NF1: variants seen among roughly 807,000 people sequenced by gnomAD.
NF1 encodes neurofibromin 1.
A neutral mutation model predicts 325.7 loss-of-function variants in NF1; 122 were observed. The ratio of observed to expected loss-of-function variants is 0.37; its 90% CI spans 0.32 to 0.44. NF1 has a LOEUF of 0.44. Ranked by LOEUF, NF1 falls within the 20% of genes least tolerant of loss-of-function variation. The pLI, the probability that NF1 is intolerant of heterozygous loss-of-function variation, is 1.00. For synonymous variants in NF1, 1,091 were observed against 1,186.0 expected (o/e 0.92, Z 1.65); for missense variants, 2,140 against 3,415.4 (o/e 0.63, Z 9.31).
At chr17:31,335,077 A>C (rs770648677) in intron 40 of NF1, 46 bp downstream of exon 40, 13 of 1,516,848 alleles carry the variant, frequency 8.6e-6, no homozygotes, top group Non-Finnish European at 1.2e-5. Context: ...CTTTGTGCAC[A>C]TATTTATCTG....
chr17:31,356,323 C>T, intron 51 of NF1, 137 bp from the exon 52 acceptor site: 1 of 804,728 alleles, frequency 1.2e-6, no homozygotes, highest in South Asian at 1.5e-5. Context: ...GAAACTGCTC[C>T]AGGGATGTAT....
chr17:31,232,022 T>G (rs1163720129), intron 24 of NF1, 51 bp from the exon 25 acceptor site: 1 of 1,136,588 alleles, frequency 8.8e-7, no homozygotes, highest in South Asian at 1.5e-5. Context: ...TGAAAGAACT[T>G]GAAAGATTCA....
At chr17:31,214,013 T>C (rs781118567) in intron 12 of NF1, among the ~76,000 whole-genome samples, 4 of 152,166 alleles carry the variant, frequency 2.6e-5, no homozygotes, top group Non-Finnish European at 5.9e-5. Flanking sequence ...CATCTTACAA[T>C]TGATAATGTT....
chr17:31,226,729 A>C (rs776995409), intron 18 of NF1, 45 bp downstream of exon 18: 4 of 1,610,908 alleles, frequency 2.5e-6, no homozygotes, highest in African/African-American at 1.3e-5. Context: ...GCCTCAAAGC[A>C]CATGGCATCT....
chr17:31,117,636 G>GCA (rs2143352025), intron 1 of NF1, among the ~76,000 whole-genome samples: 1 of 114,546 alleles, frequency 8.7e-6, no homozygotes, highest in South Asian at 3.1e-4. Context: ...CTGCGCCTCT[G>GCA]CACTCCAGCC....
chr17:31,350,297 A>C lies in NF1; in HGVS notation c.7436A>C (p.His2479Pro). ...GTTCCTATGGATACATATCCCATTC[A>C]TCATGGTGACCCTTCCTATAGGTAA... is the stretch of plus-strand genomic sequence containing the variant. The part of the protein sequence containing the change: ...ENVPMDTYPI[H>P]HGDPSYRTLK... Residue 2479 changes from histidine (H) to proline (P), a missense_variant, in exon 50 of 58, where the codon CAT becomes CCT. Coordinates refer to ENST00000358273, the MANE Select transcript of NF1 (RefSeq NM_001042492.3). The C allele has an allele frequency of 6.2e-7, 1 of 1,612,970 alleles. No homozygotes were observed. The highest frequency in any genetic ancestry group is 1.1e-5 in the South Asian group (1 of 91,050).
chr17:31,333,489 C>A (rs748269425), intron 39 of NF1, among the ~76,000 whole-genome samples: 1 of 151,980 alleles, frequency 6.6e-6, no homozygotes, highest in African/African-American at 2.4e-5. Context: ...TTCTCAGTAC[C>A]CTCCCTTCAC....
At chr17:31,366,409 C>T (rs777001030) in intron 57 of NF1, among the ~76,000 whole-genome samples, 13 of 152,206 alleles carry the variant, frequency 8.5e-5, no homozygotes, top group Non-Finnish European at 1.8e-4. Flanking sequence ...ACCAGTCATT[C>T]TCTCACTTTG....
At position 31,352,902 on chromosome 17, in the gene NF1, CT is replaced by C. The variant is rs17881874; in HGVS notation, c.7615+496del. ...TCAATTACCGAAAGAAAATAGGATT[CT>C]TTTTTTTCTTTTTTCTTTTCTTGAT... On this transcript the variant is annotated intron_variant, in intron 51 of 57. Coordinates refer to ENST00000358273, the MANE Select transcript of NF1 (RefSeq NM_001042492.3). 3.6e-3 allele frequency among the ~76,000 whole-genome samples: 546 copies of C among 151,990 alleles called. 2 individuals carry two copies. Among genetic ancestry groups the C allele is most frequent in the Non-Finnish European group, 5.3e-3 (359 of 67,930 alleles).
At position 31,113,550 on chromosome 17, in the gene NF1, G is replaced by T. The variant is rs532959569; in HGVS notation, c.60+18181G>T. Among the ~76,000 whole-genome samples the T allele has an allele frequency of 3.3e-5, 5 of 152,158 alleles. No homozygotes were observed. The East Asian group carries it at 9.7e-4, about 29-fold the overall frequency. On this transcript the variant is annotated intron_variant, in intron 1 of 57. Transcript: ENST00000358273. ...TTGGCCAGGCCGTAAATTGTTTTGA[G>T]ACAGGGTCTTGCTCTGTTGCACAGG... is the stretch of plus-strand genomic sequence containing the variant.
chr17:31,239,702 A>G (rs2067262356), intron 29 of NF1, among the ~76,000 whole-genome samples: 1 of 152,206 alleles, frequency 6.6e-6, no homozygotes, highest in East Asian at 1.9e-4. Flanking sequence ...TGATACAGAC[A>G]TGGAATGTGT....
At chr17:31,367,785 T>C (rs1270050184) in intron 57 of NF1, among the ~76,000 whole-genome samples, 1 of 152,056 alleles carries the variant, frequency 6.6e-6, no homozygotes, top group Non-Finnish European at 1.5e-5. Context: ...GCGGATCACT[T>C]GAGTCCAGGA....
At chr17:31,246,509 A>T (rs879504029) in intron 29 of NF1, among the ~76,000 whole-genome samples, 1 of 152,246 alleles carries the variant, frequency 6.6e-6, no homozygotes, top group Non-Finnish European at 1.5e-5. Context: ...ATATTTACTC[A>T]GTACTTGCTG....
chr17:31,196,832 A>G (rs2066441875), intron 8 of NF1, among the ~76,000 whole-genome samples: 1 of 152,268 alleles, frequency 6.6e-6, no homozygotes, highest in Admixed American at 6.5e-5. Context: ...ATCTTTGTCA[A>G]AAATTGGTCA....
chr17:31,232,043 A>ATTTTT lies in NF1; in HGVS notation c.3198-8_3198-4dup, dbSNP rs371047262. On this transcript the variant is annotated intron_variant, in intron 24 of 57. Coordinates refer to ENST00000358273, the MANE Select transcript of NF1 (RefSeq NM_001042492.3). ...AACTTGAAAGATTCATGGTCTCTAAATTTTTTTTTTTTTTTTTTTTTTTTT... is the reference window on the plus strand; with the variant it reads ...AACTTGAAAGATTCATGGTCTCTAAATTTTTTTTTTTTTTTTTTTTTTTTTTTTTT... 556 of 589,814 alleles carry ATTTTT rather than the reference A, an allele frequency of 9.4e-4. 1 individual carries two copies. The highest frequency in any genetic ancestry group is 2.3e-3 in the South Asian group (106 of 45,288). The allele number at this position is 589,814 out of a possible 1,614,324, so 36.5% of individuals were successfully genotyped here.
At chr17:31,335,741 C>A (rs2069649855) in intron 40 of NF1, among the ~76,000 whole-genome samples, 1 of 151,762 alleles carries the variant, frequency 6.6e-6, no homozygotes, top group African/African-American at 2.4e-5. Flanking sequence ...TGCAGTGGTA[C>A]AGTCTCGGCT....
chr17:31,212,377 A>T (rs190887008), intron 12 of NF1, among the ~76,000 whole-genome samples: 38 of 152,292 alleles, frequency 2.5e-4, no homozygotes, highest in Non-Finnish European at 5.3e-4. Flanking sequence ...TTTCATAGTT[A>T]ACTTTTTATC....
At chr17:31,141,497 C>G (rs1465113649) in intron 1 of NF1, among the ~76,000 whole-genome samples, 1 of 152,038 alleles carries the variant, frequency 6.6e-6, no homozygotes, top group Admixed American at 6.5e-5. Context: ...AAATGTTATC[C>G]TTTCTGTAGC....
chr17:31,327,640 G>A lies in NF1; in HGVS notation c.5410G>A (p.Ala1804Thr), dbSNP rs2151541269. 1 of 1,614,112 alleles carries A rather than the reference G, an allele frequency of 6.2e-7. No homozygotes were observed. The highest frequency in any genetic ancestry group is 8.5e-7 in the Non-Finnish European group (1 of 1,180,020). Reference sequence around the variant, plus strand: ...TGAGAACCAGTTCACCTTAACCATTGCAAACCAGGGCACGCCGCTCACCTT... The same window carrying A: ...TGAGAACCAGTTCACCTTAACCATTACAAACCAGGGCACGCCGCTCACCTT... The part of the protein sequence containing the change: ...VDENQFTLTI[A>T]NQGTPLTFMH... The change falls in exon 38 of 58, where the codon GCA (alanine) becomes ACA (threonine). Residue 1804 changes from alanine to threonine, a missense_variant. Ala to Thr is a moderately conservative substitution (Grantham distance 58). Coordinates refer to ENST00000358273, the MANE Select transcript of NF1 (RefSeq NM_001042492.3).
Sources: allele counts gnomAD v4.1 joint callset (sites outside exome capture counted in the v4.1 genomes callset), GRCh38; gene constraint gnomAD v4.1.1; transcripts MANE v1.5; gene names NCBI Gene and HGNC (gene_info 2026-07-23, HGNC 2026-07-21).